STOX2: variants seen among roughly 807,000 people sequenced by gnomAD.
STOX2 encodes the protein storkhead box 2.
STOX2 carries 28 observed loss-of-function variants against 60.9 expected under a neutral mutation model. That is an observed-to-expected ratio of 0.46 (90% confidence interval 0.34 to 0.63). The LOEUF is 0.63. STOX2 is among the 30% of genes least tolerant of loss of function. The pLI, the probability that STOX2 is intolerant of heterozygous loss-of-function variation, is 0.01. For missense variants in STOX2, 1,024 were observed against 1,187.7 expected (o/e 0.86, Z 2.03); for synonymous variants, 472 against 463.9 (o/e 1.02, Z -0.22).
At chr4:183,827,093 A>C (rs894361786) in intron 1 of STOX2, among the ~76,000 whole-genome samples, 1 of 152,218 alleles carries the variant, frequency 6.6e-6, no homozygotes, top group African/African-American at 2.4e-5. Context: ...GCTGCTATGT[A>C]GTATAGTCAG....
rs898663706 is a variant in STOX2 at position 184,010,266 on chromosome 4, C to A, written c.1428C>A (p.Asp476Glu). The A allele has an allele frequency of 2.5e-6, 4 of 1,575,654 alleles. No homozygotes were observed. The highest frequency in any genetic ancestry group is 3.4e-6 in the Non-Finnish European group (4 of 1,160,684). The change falls in exon 3 of 4, where the codon GAC becomes GAA. Residue 476 changes from aspartate to glutamate, a missense_variant. By Grantham distance (45) the Asp-to-Glu change is conservative (BLOSUM62 2). Around this residue, in one of 3 missense-constraint regions of STOX2, gnomAD observed 922 missense variants for 1,058.3 expected, o/e 0.87. Transcript: ENST00000308497. This position sits in a 1 kb window ranked among gnomAD's most constrained non-coding sequence, Gnocchi z 4.5. ...ACCGAAGCCACAGCCATACACAGGA[C>A]CGGAGGTCCAGGAATGAGAGATCCA... ...KVHRSHSHTQ[D>E]RRSRNERSNK...
chr4:183,935,657 G>C (rs562271330), intron 1 of STOX2, among the ~76,000 whole-genome samples: 1 of 152,200 alleles, frequency 6.6e-6, no homozygotes, highest in Non-Finnish European at 1.5e-5. Flanking sequence ...TTTAAACTGA[G>C]TCTTTCTTCA....
chr4:184,001,394 G>A lies in STOX2; in HGVS notation c.236G>A (p.Cys79Tyr). 4 of 1,613,838 alleles carry A rather than the reference G, an allele frequency of 2.5e-6. No individual in the cohort carries two copies. Among genetic ancestry groups the A allele is most frequent in the Non-Finnish European group, 3.4e-6 (4 of 1,179,862 alleles). ...SQFIPLGEIL[C>Y]LAISAMNSAR... Reference sequence around the variant, plus strand: ...TTTATTCCACTCGGGGAGATCCTCTGCTTGGCCATCTCAGCAATGAACTCG... The same window carrying A: ...TTTATTCCACTCGGGGAGATCCTCTACTTGGCCATCTCAGCAATGAACTCG... The change falls in exon 2 of 4, where the codon TGC becomes TAC. Residue 79 changes from cysteine to tyrosine, a missense_variant. Coordinates refer to ENST00000308497, the MANE Select transcript of STOX2 (RefSeq NM_020225.3). The surrounding 1 kb of genome is among the most constrained non-coding windows in gnomAD (Gnocchi z 4.2).
intron 1 of STOX2, among the ~76,000 whole-genome samples, chr4:183,927,373 C>T (rs1386069348): frequency 6.6e-6 from 1 of 152,184 alleles, no homozygotes; most frequent in Non-Finnish European, 1.5e-5. Flanking sequence ...TTGAGGACAG[C>T]AATCTTTGAT....
At chr4:183,946,396 G>T (rs567125518) in intron 1 of STOX2, among the ~76,000 whole-genome samples, 1 of 152,174 alleles carries the variant, frequency 6.6e-6, no homozygotes, top group South Asian at 2.1e-4. Flanking sequence ...GTCATGCCTC[G>T]GTGTCCATGA....
At chr4:183,940,092 G>A (rs1310639510) in intron 1 of STOX2, among the ~76,000 whole-genome samples, 3 of 152,130 alleles carry the variant, frequency 2.0e-5, no homozygotes, top group African/African-American at 4.8e-5. Context: ...TAGTAGATTC[G>A]GGGTTTCGCC....
Position 184,020,644 on chromosome 4 carries a change from A to T in STOX2, c.*3360A>T, listed in dbSNP as rs1734546494. ...AAATAATTTGTATTCCATTATATAT[A>T]TTTTGCACATCTCAGGGGACCATAA... is the stretch of plus-strand genomic sequence containing the variant. On this transcript the variant is annotated 3_prime_UTR_variant, in exon 4 of 4. Coordinates refer to ENST00000308497, the MANE Select transcript of STOX2 (RefSeq NM_020225.3). 3 of 147,500 alleles carry T rather than the reference A, an allele frequency of 2.0e-5. No homozygotes were observed. The highest frequency in any genetic ancestry group is 4.4e-5 in the Non-Finnish European group (3 of 67,554). The allele number at this position is 147,500 out of a possible 1,614,324, so 9.1% of individuals were successfully genotyped here.
chr4:183,976,095 G>C (rs1732434342), intron 1 of STOX2, among the ~76,000 whole-genome samples: 1 of 152,214 alleles, frequency 6.6e-6, no homozygotes, highest in Non-Finnish European at 1.5e-5. Context: ...GGCAGATCAT[G>C]AAGTCAAGAA....
intron 1 of STOX2, among the ~76,000 whole-genome samples, chr4:183,878,309 G>A (rs972561644): frequency 6.6e-6 from 1 of 152,156 alleles, no homozygotes; most frequent in African/African-American, 2.4e-5. Context: ...TAAAATGCAG[G>A]CCTTGTAATG....
intron 1 of STOX2, among the ~76,000 whole-genome samples, chr4:183,942,836 G>A (rs75514809): frequency 0.014 from 2,121 of 152,046 alleles, 57 homozygotes; most frequent in African/African-American, 0.048. Flanking sequence ...CAATTCTTAC[G>A]GCTCTGAAAT....
intron 1 of STOX2, among the ~76,000 whole-genome samples, chr4:183,927,768 T>A (rs1471052044): frequency 2.0e-5 from 3 of 152,162 alleles, no homozygotes; most frequent in African/African-American, 7.2e-5. Context: ...TCTTTTGCCC[T>A]TTCTGGGACT....
intron 1 of STOX2, among the ~76,000 whole-genome samples, chr4:183,873,095 G>A (rs1740731919): frequency 6.6e-6 from 1 of 152,114 alleles, no homozygotes; most frequent in African/African-American, 2.4e-5. Context: ...TGCATGTTAT[G>A]TCCTGTTGGT....
intron 1 of STOX2, among the ~76,000 whole-genome samples, chr4:183,827,711 T>G (rs1739467706): frequency 6.6e-6 from 1 of 151,898 alleles, no homozygotes; most frequent in Non-Finnish European, 1.5e-5. Context: ...TGTACATATT[T>G]TATAAATAAA....
At position 183,821,649 on chromosome 4, in the gene STOX2, G is replaced by T. The variant is rs986788439; in HGVS notation, c.364+23594G>T. Among the ~76,000 whole-genome samples, 1 of 152,200 alleles carries T rather than the reference G, an allele frequency of 6.6e-6. No homozygotes were observed. The highest frequency in any genetic ancestry group is 2.4e-5 in the African/African-American group (1 of 41,452). The stretch of plus-strand genomic sequence containing the variant: ...TAGGCTGGGAAGGTGAGGGTTGGCA[G>T]TGTGTCCTCTTCCGGAACTGCAGGG... On this transcript the variant is annotated intron_variant, in intron 1 of 2. Coordinates refer to the STOX2 transcript ENST00000513034. The surrounding 1 kb of genome is among the most constrained non-coding windows in gnomAD (Gnocchi z 4.2).
intron 1 of STOX2, 70 bp downstream of exon 1, chr4:183,907,026 G>T: frequency 7.4e-7 from 1 of 1,353,586 alleles, no homozygotes; most frequent in Admixed American, 2.7e-5. Flanking sequence ...CGCGGCCCGG[G>T]TGCTTGGAGG....
At chr4:183,938,539 C>T (rs549069214) in intron 1 of STOX2, among the ~76,000 whole-genome samples, 2 of 151,968 alleles carry the variant, frequency 1.3e-5, no homozygotes, top group South Asian at 2.1e-4. Flanking sequence ...TGTGGTGGTG[C>T]ACGCCTGTAA....
chr4:183,812,668 A>T (rs1057333135), intron 1 of STOX2, among the ~76,000 whole-genome samples: 6 of 152,180 alleles, frequency 3.9e-5, no homozygotes, highest in Non-Finnish European at 8.8e-5. Context: ...CAGTCTAAGG[A>T]TCGAGAGTGT....
At chr4:183,872,760 C>A (rs575778862) in intron 1 of STOX2, among the ~76,000 whole-genome samples, 2 of 152,220 alleles carry the variant, frequency 1.3e-5, no homozygotes, top group African/African-American at 4.8e-5. Context: ...CTCTGGTCCT[C>A]CTAACTCATT....
At chr4:183,949,606 G>A (rs1273958815) in intron 1 of STOX2, among the ~76,000 whole-genome samples, 1 of 152,160 alleles carries the variant, frequency 6.6e-6, no homozygotes, top group African/African-American at 2.4e-5. Flanking sequence ...GCTGAGGCAG[G>A]AGAATCGCTT....
Sources: allele counts gnomAD v4.1 joint callset (sites outside exome capture counted in the v4.1 genomes callset), GRCh38; gene constraint gnomAD v4.1.1; regional missense constraint gnomAD v4.1.1; non-coding constraint Gnocchi (gnomAD v3.1); transcripts MANE v1.5; gene names NCBI Gene and HGNC (gene_info 2026-07-23, HGNC 2026-07-21).